Variants in USP14 observed in about 807,000 individuals in gnomAD.
USP14 encodes the protein ubiquitin carboxyl-terminal hydrolase 14.
USP14 carries 38 observed loss-of-function variants against 76.5 expected under a neutral mutation model. The ratio of observed to expected loss-of-function variants is 0.50; its 90% CI spans 0.38 to 0.65. The LOEUF (loss-of-function observed/expected upper bound fraction) is 0.65, where lower values mean the gene tolerates loss of function less well. Among genes scored for constraint, USP14 ranks in the 30% least tolerant of loss-of-function variants. The probability of loss-of-function intolerance (pLI) is 0.00; values close to 1 mark genes in which losing one functional copy is unlikely to be tolerated. For missense variants in USP14, 467 were observed against 586.5 expected (o/e 0.80, Z 2.10); for synonymous variants, 192 against 191.7 (o/e 1.00, Z -0.01).
At chr18:192,160 G>T (rs192132502) in intron 5 of USP14, among the ~76,000 whole-genome samples, 1 of 152,196 alleles carries the variant, frequency 6.6e-6, no homozygotes, top group Non-Finnish European at 1.5e-5. Context: ...TATGATTTTT[G>T]ATTGAATGTT....
chr18:204,927 T>G (rs1910488929), intron 13 of USP14, among the ~76,000 whole-genome samples: 2 of 151,442 alleles, frequency 1.3e-5, no homozygotes, highest in Admixed American at 6.6e-5. Context: ...TGTGACAAGG[T>G]CTTCCTTTGT....
intron 5 of USP14, among the ~76,000 whole-genome samples, chr18:184,478 G>A (rs918405419): frequency 6.6e-6 from 1 of 152,230 alleles, no homozygotes; most frequent in African/African-American, 2.4e-5. Context: ...TGGGTCCCGA[G>A]TGTGATGGCT....
chr18:176,743 C>T (rs916565281), intron 3 of USP14, among the ~76,000 whole-genome samples: 1 of 152,018 alleles, frequency 6.6e-6, no homozygotes, highest in East Asian at 1.9e-4. Flanking sequence ...GATTCACTTG[C>T]ATTCTTTTAT....
At chr18:205,727 G>A (rs1013655637) in intron 13 of USP14, among the ~76,000 whole-genome samples, 1 of 152,170 alleles carries the variant, frequency 6.6e-6, no homozygotes, top group Non-Finnish European at 1.5e-5. Context: ...GCTGTAATGA[G>A]CCATGATTGT....
intron 3 of USP14, among the ~76,000 whole-genome samples, chr18:174,839 G>T (rs1909583148): frequency 6.6e-6 from 1 of 152,056 alleles, no homozygotes; most frequent in Admixed American, 6.6e-5. Flanking sequence ...GCAGTGACGT[G>T]ATCATGGCTC....
chr18:193,725 A>C (rs1910154894), intron 6 of USP14, among the ~76,000 whole-genome samples: 2 of 152,186 alleles, frequency 1.3e-5, no homozygotes, highest in African/African-American at 4.8e-5. Context: ...CACTTAGTAT[A>C]ATGTTTTCAG....
chr18:204,630 G>A lies in USP14; in HGVS notation c.1102G>A (p.Val368Met), dbSNP rs139411544. ...LCTPELQEKM[V>M]SFRSKFKDLE... ...TACACCAGAACTTCAAGAGAAAATG[G>A]TGTCTTTTCGATCCAAATTCAAGGA... is the stretch of plus-strand genomic sequence containing the variant. Residue 368 changes from valine to methionine, a missense_variant, in exon 13 of 16, where the codon GTG becomes ATG. Transcript: ENST00000261601. The A allele has an allele frequency of 6.2e-7, 1 of 1,613,304 alleles. No homozygotes were observed. Among genetic ancestry groups the A allele is most frequent in the Non-Finnish European group, 8.5e-7 (1 of 1,179,718 alleles).
At chr18:178,507 G>A (rs1909691848) in intron 3 of USP14, among the ~76,000 whole-genome samples, 1 of 152,282 alleles carries the variant, frequency 6.6e-6, no homozygotes, top group South Asian at 2.1e-4. Flanking sequence ...TTGATGTACA[G>A]TTTGATGACT....
intron 14 of USP14, 159 bp from the exon 15 acceptor site, chr18:210,227 C>A: frequency 1.4e-6 from 1 of 690,058 alleles, no homozygotes; most frequent in Non-Finnish European, 2.4e-6. Flanking sequence ...CTTATTAAAA[C>A]ATCAATCATG....
chr18:214,006 T>TGATTGA lies in USP14; in HGVS notation c.*2722_*2723insGATTGA, dbSNP rs146919041. 1 of 129,328 alleles carries TGATTGA rather than the reference T, an allele frequency of 7.7e-6. No homozygotes were observed. The highest frequency in any genetic ancestry group is 2.1e-4 in the East Asian group (1 of 4,758). The allele number at this position is 129,328 out of a possible 1,614,324, so 8.0% of individuals were successfully genotyped here. ...AGATAGATAGATAGATAGATGATGA[T>TGATTGA]TGATTGATGATTGATAGTAAATTAT... is the stretch of plus-strand genomic sequence containing the variant. On this transcript the variant is annotated 3_prime_UTR_variant, in exon 16 of 16. Coordinates refer to ENST00000261601, the MANE Select transcript of USP14 (RefSeq NM_005151.4).
At chr18:178,003 A>G (rs1314178036) in intron 3 of USP14, among the ~76,000 whole-genome samples, 2 of 142,484 alleles carry the variant, frequency 1.4e-5, no homozygotes, top group African/African-American at 5.1e-5. Context: ...TAATTTTATT[A>G]GTGTTTGTTT....
chr18:200,493 T>A (rs1910355916), intron 10 of USP14, among the ~76,000 whole-genome samples: 1 of 152,208 alleles, frequency 6.6e-6, no homozygotes, highest in South Asian at 2.1e-4. Flanking sequence ...GTAACCTAAT[T>A]GGCTTTTGGC....
chr18:182,869 A>T (rs1909822930), intron 5 of USP14, among the ~76,000 whole-genome samples: 1 of 152,202 alleles, frequency 6.6e-6, no homozygotes, highest in Non-Finnish European at 1.5e-5. Context: ...AGAAGGATGG[A>T]TGTAGAAACG....
At chr18:188,529 T>C (rs974038038) in intron 5 of USP14, among the ~76,000 whole-genome samples, 5 of 151,382 alleles carry the variant, frequency 3.3e-5, no homozygotes, top group Non-Finnish European at 7.4e-5. Flanking sequence ...TTTTTTTCCT[T>C]TGTGAGGGTT....
chr18:190,651 G>A (rs116443871), intron 5 of USP14, among the ~76,000 whole-genome samples: 4,527 of 152,256 alleles, frequency 0.03, 206 homozygotes, highest in African/African-American at 0.1. Context: ...GACTAGAAAA[G>A]TCAAAATGTC....
chr18:194,520 C>T (rs1396577680), intron 6 of USP14, among the ~76,000 whole-genome samples: 2 of 152,154 alleles, frequency 1.3e-5, no homozygotes, highest in East Asian at 3.9e-4. Context: ...CTCATTTTTC[C>T]GTTATGCATG....
rs576442077 is a variant in USP14, at chr18:213,579, C to CCAT, written c.*2300_*2302dup. On this transcript the variant is annotated 3_prime_UTR_variant, in exon 16 of 16. Coordinates refer to ENST00000261601, the MANE Select transcript of USP14 (RefSeq NM_005151.4). ...ATATGCTGTGCCACTCACACCGAGG[C>CCAT]CATCATCTCAACATTAGAGTTGTGC... 14 of 152,532 alleles carry CCAT rather than the reference C, an allele frequency of 9.2e-5. No individual in the cohort carries two copies. The South Asian group carries it at 1.9e-3, about 20-fold the overall frequency. The allele number at this position is 152,532 out of a possible 1,614,324, so 9.4% of individuals were successfully genotyped here. A position where few individuals can be genotyped will look rare whatever the true frequency, so the allele number is the denominator to read the frequency against.
chr18:207,540 G>A (rs1910562435), intron 13 of USP14, among the ~76,000 whole-genome samples: 1 of 144,310 alleles, frequency 6.9e-6, no homozygotes, highest in South Asian at 2.3e-4. Flanking sequence ...TTAGCCAGGC[G>A]TGGTGGCGTG....
chr18:169,529 A>G (rs1909383319), intron 3 of USP14, among the ~76,000 whole-genome samples: 1 of 151,130 alleles, frequency 6.6e-6, no homozygotes, highest in South Asian at 2.1e-4. Flanking sequence ...AATCTCATTG[A>G]TTTTTAACTT....
Sources: gnomAD v4.1 joint callset for allele counts (sites outside exome capture counted in the v4.1 genomes callset) on GRCh38, gnomAD v4.1.1 for gene constraint, MANE v1.5 for transcripts, NCBI Gene and HGNC (gene_info 2026-07-23, HGNC 2026-07-21) for gene names.